The following ZNF613 variants were observed in gnomAD, a reference collection of about 807,000 sequenced individuals.
The protein encoded by ZNF613 is zinc finger protein 613.
In ZNF613, 8 loss-of-function variants were observed where a neutral mutation model predicts 14.3. That is an observed-to-expected ratio of 0.56 (90% confidence interval 0.33 to 1.01). The LOEUF is 1.01. Ranked by LOEUF, ZNF613 falls within the 50% of genes least tolerant of loss-of-function variation. The probability of loss-of-function intolerance (pLI) is 0.03; values close to 1 mark genes in which losing one functional copy is unlikely to be tolerated. For synonymous variants in ZNF613, 228 were observed against 254.5 expected (o/e 0.90, Z 0.99); for missense variants, 656 against 741.9 (o/e 0.88, Z 1.35).
At chr19:51,939,780 T>C (rs1469521901) in intron 3 of ZNF613, among the ~76,000 whole-genome samples, 1 of 152,134 alleles carries the variant, frequency 6.6e-6, no homozygotes, top group African/African-American at 2.4e-5. Flanking sequence ...CTTGTAGTGT[T>C]TGGGGTTTCT....
In ZNF613 at chr19:51,945,873, A is replaced by G; in HGVS notation, c.*136A>G. On this transcript the variant is annotated 3_prime_UTR_variant, in exon 6 of 6. Coordinates refer to ENST00000293471, the MANE Select transcript of ZNF613 (RefSeq NM_001031721.4). ...ATAAAACCTTATGGCTAATAAGCATATACTCAGAGAAAAATAGTATGAAGT... is the reference window on the plus strand; with the variant it reads ...ATAAAACCTTATGGCTAATAAGCATGTACTCAGAGAAAAATAGTATGAAGT... 1.1e-6 allele frequency: 1 copy of G among 895,628 alleles called. No homozygotes were observed. Among genetic ancestry groups the G allele is most frequent in the Non-Finnish European group, 1.7e-6 (1 of 597,772 alleles). The allele number at this position is 895,628 out of a possible 1,614,324, so 55.5% of individuals were successfully genotyped here. A position where few individuals can be genotyped will look rare whatever the true frequency, so the allele number is the denominator to read the frequency against.
In ZNF613 at chr19:51,936,183, C is replaced by T. The variant is rs1176778101; in HGVS notation, c.-38C>T. 1.3e-6 allele frequency: 2 copies of T among 1,598,262 alleles called. No individual in the cohort carries two copies. Among genetic ancestry groups the T allele is most frequent in the Non-Finnish European group, 1.7e-6 (2 of 1,172,984 alleles). On this transcript the variant is annotated 5_prime_UTR_variant, in exon 3 of 6. Coordinates refer to ENST00000293471, the MANE Select transcript of ZNF613 (RefSeq NM_001031721.4). ...GCTCAAGGAGAGACTACAGACACAGCATCCTACTTACTGGCTATTTCCCAG... is the reference window on the plus strand; with the variant it reads ...GCTCAAGGAGAGACTACAGACACAGTATCCTACTTACTGGCTATTTCCCAG...
chr19:51,932,579 G>C (rs2085275163), intron 2 of ZNF613, among the ~76,000 whole-genome samples: 3 of 152,106 alleles, frequency 2.0e-5, no homozygotes. Flanking sequence ...TTACAGGCGT[G>C]AGCCACCGCA....
intron 2 of ZNF613, among the ~76,000 whole-genome samples, chr19:51,932,133 C>A (rs7254032): frequency 0.16 from 23,623 of 151,734 alleles, 3,244 homozygotes; most frequent in African/African-American, 0.37. Context: ...AGATAGCCTC[C>A]AGGAGCCCAG....
intron 3 of ZNF613, among the ~76,000 whole-genome samples, 161 bp downstream of exon 3, chr19:51,936,396 A>C (rs2085305602): frequency 6.6e-6 from 1 of 152,242 alleles, no homozygotes; most frequent in Admixed American, 6.5e-5. Flanking sequence ...AAGTAGGATC[A>C]GGACTATATT....
chr19:51,936,550 G>A (rs2085306588), intron 3 of ZNF613, among the ~76,000 whole-genome samples: 2 of 152,124 alleles, frequency 1.3e-5, no homozygotes, highest in African/African-American at 4.8e-5. Flanking sequence ...GTGCAGTGGT[G>A]CAATCTTGGC....
At chr19:51,928,853 CAAAA>C (rs58085445) in intron 1 of ZNF613, among the ~76,000 whole-genome samples, 6 of 96,946 alleles carry the variant, frequency 6.2e-5, no homozygotes, top group Admixed American at 1.2e-4. Flanking sequence ...GACCCTGCCT[CAAAA>C]AAAAAAAAAA....
Position 51,936,051 on chromosome 19 carries a change from C to A in ZNF613, c.-170C>A. ...AGCCCACAGGTCCTGACTTCAGGAGCAAGACACTTCAAGTGAGGTGAGGAG... is the reference window on the plus strand; with the variant it reads ...AGCCCACAGGTCCTGACTTCAGGAGAAAGACACTTCAAGTGAGGTGAGGAG... On this transcript the variant is annotated 5_prime_UTR_variant, in exon 3 of 6. Transcript: ENST00000293471. The A allele has an allele frequency of 3.5e-6, 2 of 571,772 alleles. No homozygotes were observed. Among genetic ancestry groups the A allele is most frequent in the Non-Finnish European group, 6.0e-6 (2 of 334,442 alleles). The allele number at this position is 571,772 out of a possible 1,614,324, so 35.4% of individuals were successfully genotyped here.
chr19:51,945,163 C>T lies in ZNF613; in HGVS notation c.1280C>T (p.Pro427Leu). 1.2e-6 allele frequency: 2 copies of T among 1,614,124 alleles called. No individual in the cohort carries two copies. Among genetic ancestry groups the T allele is most frequent in the South Asian group, 2.2e-5 (2 of 91,078 alleles). ...IHRRTHTGEK[P>L]YVCNECGKGF... Reference sequence around the variant, plus strand: ...CGACGTACTCACACTGGAGAGAAACCCTATGTATGCAATGAATGTGGGAAA... The same window carrying T: ...CGACGTACTCACACTGGAGAGAAACTCTATGTATGCAATGAATGTGGGAAA... The change falls in exon 6 of 6, where the codon CCC becomes CTC. Residue 427 changes from proline (P) to leucine (L), a missense_variant. Transcript: ENST00000293471.
At chr19:51,931,837 TG>T (rs2085267948) in intron 2 of ZNF613, among the ~76,000 whole-genome samples, 1 of 152,148 alleles carries the variant, frequency 6.6e-6, no homozygotes. Flanking sequence ...TGTCGCTGTT[TG>T]GGGCGCCAGT....
Position 51,936,155 on chromosome 19 carries a change from G to A in ZNF613, c.-66G>A. Reference sequence around the variant, plus strand: ...CAAGATTTCTAGCCAGAAATTGAGGGCAGCTCAAGGAGAGACTACAGACAC... The same window carrying A: ...CAAGATTTCTAGCCAGAAATTGAGGACAGCTCAAGGAGAGACTACAGACAC... On this transcript the variant is annotated 5_prime_UTR_variant, in exon 3 of 6. Transcript: ENST00000293471. 1.3e-6 allele frequency: 2 copies of A among 1,505,498 alleles called. No individual in the cohort carries two copies. The highest frequency in any genetic ancestry group is 1.8e-6 in the Non-Finnish European group (2 of 1,113,966). The allele number at this position is 1,505,498 out of a possible 1,614,324, so 93.3% of individuals were successfully genotyped here.
intron 2 of ZNF613, among the ~76,000 whole-genome samples, chr19:51,931,021 GC>G (rs1465548932): frequency 1.4e-4 from 21 of 152,094 alleles, no homozygotes; most frequent in African/African-American, 5.1e-4. Flanking sequence ...CTTATGTTGA[GC>G]CATTTTTCAT....
chr19:51,930,112 C>G (rs984350237), intron 2 of ZNF613, among the ~76,000 whole-genome samples: 2 of 152,092 alleles, frequency 1.3e-5, no homozygotes, highest in Non-Finnish European at 2.9e-5. Flanking sequence ...CTCCCTATGC[C>G]CTACCACTAA....
chr19:51,931,391 G>A (rs574549582), intron 2 of ZNF613, among the ~76,000 whole-genome samples: 1 of 152,054 alleles, frequency 6.6e-6, no homozygotes, highest in African/African-American at 2.4e-5. Flanking sequence ...CTTATTTTTT[G>A]TATATGTTCA....
At position 51,946,432 on chromosome 19, in the gene ZNF613, A is replaced by T. The variant is rs1421574389; in HGVS notation, c.*695A>T. ...TTTTTGATAAGAGTCTTCTATTCCC[A>T]ACCAAGATCATTATATGATTAGCTC... On this transcript the variant is annotated 3_prime_UTR_variant, in exon 6 of 6. Coordinates refer to ENST00000293471, the MANE Select transcript of ZNF613 (RefSeq NM_001031721.4). 4 of 152,226 alleles carry T rather than the reference A, an allele frequency of 2.6e-5. No homozygotes were observed. In the East Asian group the frequency reaches 5.8e-4, roughly 22 times the overall value. The allele number at this position is 152,226 out of a possible 1,614,324, so 9.4% of individuals were successfully genotyped here.
intron 5 of ZNF613, among the ~76,000 whole-genome samples, chr19:51,943,755 T>C (rs2085368856): frequency 6.6e-6 from 1 of 150,968 alleles, no homozygotes; most frequent in Non-Finnish European, 1.5e-5. Flanking sequence ...ATATCGCCCA[T>C]AGATGAGGGA....
chr19:51,931,262 A>T (rs2122805299), intron 2 of ZNF613, among the ~76,000 whole-genome samples: 1 of 152,346 alleles, frequency 6.6e-6, no homozygotes, highest in Admixed American at 6.5e-5. Flanking sequence ...CTCAAATGGA[A>T]GTATTCAATG....
intron 3 of ZNF613, among the ~76,000 whole-genome samples, chr19:51,938,259 A>G (rs190144542): frequency 6.6e-6 from 1 of 151,798 alleles, no homozygotes; most frequent in East Asian, 1.9e-4. Flanking sequence ...TCTTTTTCTA[A>G]ATTTTTTTTT....
At position 51,944,231 on chromosome 19, in the gene ZNF613, G is replaced by A; in HGVS notation, c.348G>A (p.Arg116=). ...HNAFGNIIHQ[R]KSDFPLRQNH... ...CATTTGGAAACATCATTCATCAGAGGAAAAGTGATTTTCCTTTAAGGCAAA... is the reference window on the plus strand; with the variant it reads ...CATTTGGAAACATCATTCATCAGAGAAAAAGTGATTTTCCTTTAAGGCAAA... The change falls in exon 6 of 6, where the codon AGG becomes AGA. Residue 116 remains arginine, a synonymous_variant. Transcript: ENST00000293471. 6.2e-7 allele frequency: 1 copy of A among 1,611,074 alleles called. No homozygotes were observed. The highest frequency in any genetic ancestry group is 1.7e-5 in the Admixed American group (1 of 59,708).
Sources: allele counts gnomAD v4.1 joint callset (sites outside exome capture counted in the v4.1 genomes callset), GRCh38; gene constraint gnomAD v4.1.1; transcripts MANE v1.5; gene names NCBI Gene and HGNC (gene_info 2026-07-23, HGNC 2026-07-21).